Variants in SYNE1 observed in about 807,000 individuals in gnomAD.
SYNE1 encodes the protein nesprin-1.
Under a neutral mutation model 1,111.0 loss-of-function variants are expected in SYNE1, and 616 were observed. The observed-to-expected ratio is 0.55, with a 90% CI of 0.52 to 0.59. SYNE1 has a LOEUF of 0.59. Ranked by LOEUF, SYNE1 falls within the 20% of genes least tolerant of loss-of-function variation. SYNE1 has a pLI of 0.00. For synonymous variants in SYNE1, 3,855 were observed against 3,825.8 expected, an observed-to-expected ratio of 1.01 and a Z score of -0.28; for missense variants, 10,006 against 10,417.0, an observed-to-expected ratio of 0.96 and a Z score of 1.72.
At chr6:152,577,526 G>C (rs986054217) in intron 3 of SYNE1, among the ~76,000 whole-genome samples, 1 of 152,060 alleles carries the variant, frequency 6.6e-6, no homozygotes, top group African/African-American at 2.4e-5. Context: ...GCAGCTACTC[G>C]GGAGGCTGAG....
rs2076852225 is a variant in SYNE1 at position 152,208,089 on chromosome 6, C to T, written c.22707G>A (p.Arg7569=). ...DSQIRQWQRY[R]EMAEKLRKWL... is the part of the protein sequence containing the mutation. ...ATTTACGAAGCTTTTCTGCCATCTC[C>T]CTATAGCGCTGCCACTGGCGAATCT... The change falls in exon 125 of 146, where the codon AGG becomes AGA. Residue 7569 remains arginine, a synonymous_variant. Transcript: ENST00000367255. 2 of 1,614,072 alleles carry T rather than the reference C, an allele frequency of 1.2e-6. No homozygotes were observed. The highest frequency in any genetic ancestry group is 1.7e-6 in the Non-Finnish European group (2 of 1,180,012).
At chr6:152,414,563 C>T (rs756590642) in intron 41 of SYNE1, among the ~76,000 whole-genome samples, 42 of 151,456 alleles carry the variant, frequency 2.8e-4, no homozygotes, top group Non-Finnish European at 5.3e-4. Flanking sequence ...TTATTATCCC[C>T]ACCTTACAAG....
chr6:152,527,314 T>C (rs2099168168), intron 4 of SYNE1, among the ~76,000 whole-genome samples: 1 of 152,220 alleles, frequency 6.6e-6, no homozygotes, highest in South Asian at 2.1e-4. Flanking sequence ...AGTTAAAATG[T>C]ATTTTTCTCT....
intron 3 of SYNE1, among the ~76,000 whole-genome samples, chr6:152,613,148 G>A (rs2099636707): frequency 6.6e-6 from 1 of 152,100 alleles, no homozygotes; most frequent in African/African-American, 2.4e-5. Context: ...TTCTGGCCAG[G>A]GCACTCACTG....
Position 152,404,320 on chromosome 6 carries a change from A to C in SYNE1, c.6724-6T>G. ...GCTTTGTTTTTAACTTCAGACTGCC[A>C]AAAGGGAAGAAACATAACTAATCAA... On this transcript the variant is annotated splice_polypyrimidine_tract_variant and splice_region_variant and intron_variant, in intron 45 of 145. Transcript: ENST00000367255. 6.3e-7 allele frequency: 1 copy of C among 1,597,556 alleles called. No individual in the cohort carries two copies. The highest frequency in any genetic ancestry group is 8.6e-7 in the Non-Finnish European group (1 of 1,166,990).
intron 16 of SYNE1, 136 bp downstream of exon 16, chr6:152,471,461 C>T (rs1214055778): frequency 6.2e-6 from 5 of 805,988 alleles, no homozygotes; most frequent in Non-Finnish European, 1.0e-5. Context: ...AGCTCATAAA[C>T]TTGTATCTAA....
intron 56 of SYNE1, among the ~76,000 whole-genome samples, chr6:152,380,336 G>C (rs1248320369): frequency 6.6e-6 from 1 of 151,958 alleles, no homozygotes; most frequent in East Asian, 1.9e-4. Flanking sequence ...GGCTTTCAAA[G>C]ATACTGTTTA....
chr6:152,129,932 T>G (rs1177097587), intron 145 of SYNE1, among the ~76,000 whole-genome samples: 1 of 152,078 alleles, frequency 6.6e-6, no homozygotes, highest in Non-Finnish European at 1.5e-5. Context: ...TGGGGAAACT[T>G]GAACTGATCA....
intron 140 of SYNE1, among the ~76,000 whole-genome samples, 200 bp downstream of exon 140, chr6:152,139,750 A>AAAGAAGGAAAG (rs1237531271): frequency 4.8e-5 from 7 of 145,078 alleles, no homozygotes; most frequent in African/African-American, 7.6e-5. Flanking sequence ...AGAAAGAAAG[A>AAAGAAGGAAAG]AAAGAAAAAA....
At chr6:152,413,606 G>A in intron 41 of SYNE1, 75 bp from the exon 42 acceptor site, 2 of 1,445,606 alleles carry the variant, frequency 1.4e-6, no homozygotes, top group Non-Finnish European at 1.9e-6. Flanking sequence ...GTAAGTATAT[G>A]ATGAGTCCAT....
chr6:152,290,936 A>C lies in SYNE1; in HGVS notation c.18012+2652T>G, dbSNP rs192099999. 2.1e-3 allele frequency among the ~76,000 whole-genome samples: 322 copies of C among 152,102 alleles called. 3 individuals are homozygous for C. The highest frequency in any genetic ancestry group is 7.2e-3 in the African/African-American group (298 of 41,562). On this transcript the variant is annotated intron_variant, in intron 95 of 145. Transcript: ENST00000367255. The stretch of plus-strand genomic sequence containing the variant: ...CCAGAACTTGTAGAACTTCTGGCAC[A>C]GACAGCAAAAGGTAGCAAAAATAGC...
chr6:152,373,276 T>C (rs949509874), intron 58 of SYNE1, 57 bp from the exon 59 acceptor site: 2 of 1,503,470 alleles, frequency 1.3e-6, no homozygotes, highest in African/African-American at 2.9e-5. Flanking sequence ...TGTTTCTATT[T>C]TTTCTTTTCT....
Position 152,143,657 on chromosome 6 carries a change from G to C in SYNE1, c.25085C>G (p.Thr8362Arg). The change falls in exon 138 of 146, where the codon ACG becomes AGG. Residue 8362 changes from threonine (T) to arginine (R), a missense_variant. This residue lies in a region of SYNE1 where 761 missense variants were observed against 795.5 expected (regional missense o/e 0.96). Transcript: ENST00000367255. ...TENIIRSKTP[T>R]GPELDTSYKG... ...GTAGCTGGTGTCTAGCTCCGGCCCC[G>C]TGGGAGTTTTGCTGCGAATGATATT... The C allele has an allele frequency of 3.7e-6, 6 of 1,614,190 alleles. No individual in the cohort carries two copies. Among genetic ancestry groups the C allele is most frequent in the Non-Finnish European group, 5.1e-6 (6 of 1,180,034 alleles).
At chr6:152,295,266 G>T (rs1310743650) in intron 93 of SYNE1, among the ~76,000 whole-genome samples, 2 of 152,144 alleles carry the variant, frequency 1.3e-5, no homozygotes, top group Non-Finnish European at 2.9e-5. Context: ...CCATTTTGTT[G>T]TTGTTCCTGA....
intron 9 of SYNE1, among the ~76,000 whole-genome samples, chr6:152,504,965 C>T (rs1484039281): frequency 1.3e-5 from 2 of 152,148 alleles, no homozygotes; most frequent in Non-Finnish European, 2.9e-5. Context: ...CCAGTTCACC[C>T]GACTGACATA....
At chr6:152,429,880 A>C (rs1038096011) in intron 36 of SYNE1, among the ~76,000 whole-genome samples, 1 of 152,208 alleles carries the variant, frequency 6.6e-6, no homozygotes, top group African/African-American at 2.4e-5. Context: ...AAAGAGAGAA[A>C]TGTATTTGAA....
Position 152,387,083 on chromosome 6 carries a change from T to C in SYNE1, c.8476A>G (p.Thr2826Ala). Reference protein sequence around the residue: ...ELKTQFNDIMTVAKEKMRKVE... With the variant: ...ELKTQFNDIMAVAKEKMRKVE... ...TATAAAGCACTAACCTTGGCAACAGTCATTATATCATTAAACTGTGTTTTC... is the reference window on the plus strand; with the variant it reads ...TATAAAGCACTAACCTTGGCAACAGCCATTATATCATTAAACTGTGTTTTC... Residue 2826 changes from threonine (T) to alanine (A), a missense_variant, in exon 54 of 146, where the codon ACT (threonine) becomes GCT (alanine). Around this residue, in one of 7 missense-constraint regions of SYNE1, gnomAD observed 4,955 missense variants for 5,017.2 expected, o/e 0.99. Transcript: ENST00000367255. 6.2e-7 allele frequency: 1 copy of C among 1,613,394 alleles called. No homozygotes were observed. The highest frequency in any genetic ancestry group is 8.5e-7 in the Non-Finnish European group (1 of 1,179,480).
In SYNE1 at chr6:152,122,621, C is replaced by A. The variant is rs2295191; in HGVS notation, c.26209G>T (p.Gly8737Cys). Residue 8737 changes from glycine (G) to cysteine (C), a missense_variant, in exon 146 of 146, where the codon GGC (glycine) becomes TGC (cysteine). By Grantham distance (159) the Gly-to-Cys change is radical. Transcript: ENST00000367255. ...SLSEPGPGRS[G>C]RGFLFRVLRA... ...AGGACTCTGAACAGGAAGCCGCGGC[C>A]GGACCGACCTGGCCCTGGCTCAGAA... 1.9e-6 allele frequency: 3 copies of A among 1,614,110 alleles called. No individual in the cohort carries two copies. Among genetic ancestry groups the A allele is most frequent in the East Asian group, 4.5e-5 (2 of 44,860 alleles).
At chr6:152,199,268 T>C (rs368764744) in intron 127 of SYNE1, among the ~76,000 whole-genome samples, 1 of 152,230 alleles carries the variant, frequency 6.6e-6, no homozygotes, top group Non-Finnish European at 1.5e-5. Flanking sequence ...TTATCCTTTC[T>C]TTTTGTCCTG....
Sources: allele counts gnomAD v4.1 joint callset (sites outside exome capture counted in the v4.1 genomes callset), GRCh38; gene constraint gnomAD v4.1.1; regional missense constraint gnomAD v4.1.1; transcripts MANE v1.5; gene names NCBI Gene and HGNC (gene_info 2026-07-23, HGNC 2026-07-21).